PRKG1: variants seen among roughly 807,000 people sequenced by gnomAD.
The protein encoded by PRKG1 is cGMP-dependent protein kinase 1.
Under a neutral mutation model 88.1 loss-of-function variants are expected in PRKG1, and 35 were observed. The observed-to-expected ratio is 0.40, with a 90% CI of 0.30 to 0.53. The LOEUF (loss-of-function observed/expected upper bound fraction) is 0.53, where lower values mean the gene tolerates loss of function less well. Among genes scored for constraint, PRKG1 ranks in the 20% least tolerant of loss-of-function variants. The pLI is 0.59. For missense variants in PRKG1, 540 were observed against 839.8 expected, an observed-to-expected ratio of 0.64 and a Z score of 4.41; for synonymous variants, 303 against 292.5, an observed-to-expected ratio of 1.04 and a Z score of -0.37.
At chr10:51,268,717 G>T (rs1383115835) in intron 2 of PRKG1, among the ~76,000 whole-genome samples, 1 of 152,048 alleles carries the variant, frequency 6.6e-6, no homozygotes, top group Non-Finnish European at 1.5e-5. Flanking sequence ...AGGGTCCTGA[G>T]GCGACATACA....
chr10:52,242,141 G>A (rs1004859867), intron 9 of PRKG1: 7 of 152,196 alleles, frequency 4.6e-5, no homozygotes, highest in Admixed American at 2.0e-4. Flanking sequence ...GTGAAAGCAG[G>A]AGGAGGAGTC....
At chr10:51,691,856 C>T (rs1841152823) in intron 3 of PRKG1, among the ~76,000 whole-genome samples, 1 of 152,042 alleles carries the variant, frequency 6.6e-6, no homozygotes, top group African/African-American at 2.4e-5. Context: ...CCACAGATCA[C>T]CAATTTGAGG....
In PRKG1 at chr10:51,046,559, C is replaced by T. The variant is rs1357645667; in HGVS notation, c.266+54915C>T. 7.2e-5 allele frequency among the ~76,000 whole-genome samples: 11 copies of T among 152,190 alleles called. No individual in the cohort carries two copies. In the East Asian group the frequency reaches 1.3e-3, roughly 19 times the overall value. On this transcript the variant is annotated intron_variant, in intron 1 of 17. Coordinates refer to the PRKG1 transcript ENST00000401604. ...AACAACGATTTTTCCTTTGGCATTA[C>T]GTCTCCGGTTTGCACAGGCTTGAGC... is the stretch of plus-strand genomic sequence containing the variant.
intron 2 of PRKG1, among the ~76,000 whole-genome samples, chr10:51,255,890 G>A (rs1589284378): frequency 6.6e-6 from 1 of 152,216 alleles, no homozygotes; most frequent in East Asian, 1.9e-4. Flanking sequence ...AGACATACAT[G>A]TTCTGTAGAT....
intron 4 of PRKG1, among the ~76,000 whole-genome samples, chr10:51,834,156 C>T (rs900245552): frequency 5.3e-5 from 8 of 152,100 alleles, no homozygotes; most frequent in South Asian, 2.1e-4. Context: ...TTTAGTCAGA[C>T]GCTTCCCCAA....
At chr10:51,747,644 AT>A (rs980681194) in intron 3 of PRKG1, among the ~76,000 whole-genome samples, 1 of 151,760 alleles carries the variant, frequency 6.6e-6, no homozygotes, top group Admixed American at 6.6e-5. Flanking sequence ...GAATTCTTTG[AT>A]TTTTTTTCTT....
intron 9 of PRKG1, among the ~76,000 whole-genome samples, chr10:52,203,437 T>C (rs894166644): frequency 6.6e-6 from 1 of 152,248 alleles, no homozygotes; most frequent in African/African-American, 2.4e-5. Context: ...TGGTCAACTA[T>C]GTAGTCAATT....
At chr10:51,591,228 T>G (rs1692443828) in intron 3 of PRKG1, among the ~76,000 whole-genome samples, 1 of 152,290 alleles carries the variant, frequency 6.6e-6, no homozygotes, top group East Asian at 1.9e-4. Flanking sequence ...TTTTTGCATA[T>G]TAAAGTTCTA....
intron 10 of PRKG1, among the ~76,000 whole-genome samples, chr10:52,258,471 C>G (rs1190498490): frequency 1.3e-5 from 2 of 150,940 alleles, no homozygotes; most frequent in African/African-American, 4.8e-5. Context: ...TATAGCTACT[C>G]TGTGAGGAGA....
chr10:51,692,832 A>G (rs1841179328), intron 3 of PRKG1, among the ~76,000 whole-genome samples: 2 of 152,302 alleles, frequency 1.3e-5, no homozygotes, highest in South Asian at 2.1e-4. Context: ...AAATGTCTGC[A>G]GATATTATAC....
chr10:52,277,448 C>A (rs1440829857), intron 12 of PRKG1, among the ~76,000 whole-genome samples: 1 of 152,142 alleles, frequency 6.6e-6, no homozygotes, highest in African/African-American at 2.4e-5. Flanking sequence ...GGTGCTCAAT[C>A]ATAGTGGCTA....
chr10:51,547,658 T>TA (rs34303573), intron 3 of PRKG1, among the ~76,000 whole-genome samples: 1 of 152,062 alleles, frequency 6.6e-6, no homozygotes, highest in Non-Finnish European at 1.5e-5. Flanking sequence ...AATGGTCTTT[T>TA]AAAAAAATCA....
At chr10:51,078,531 C>A (rs1844022640) in intron 1 of PRKG1, among the ~76,000 whole-genome samples, 1 of 150,972 alleles carries the variant, frequency 6.6e-6, no homozygotes, top group African/African-American at 2.4e-5. Flanking sequence ...CACCTGGCCC[C>A]TGTTTCACTT....
rs184714652 is a variant in PRKG1 at position 52,039,452 on chromosome 10, C to T, written c.763-15032C>T. ...TGGAATGTCATCAGTTAAGGTGGGG[C>T]AGGGCATATTCACTTCTTTTGTGAT... On this transcript the variant is annotated intron_variant, in intron 5 of 17. Transcript: ENST00000373980. Among the ~76,000 whole-genome samples the T allele has an allele frequency of 2.0e-5, 3 of 152,176 alleles. No homozygotes were observed. The East Asian group carries it at 5.8e-4, about 29-fold the overall frequency.
chr10:51,221,883 T>C (rs1443396160), intron 2 of PRKG1, among the ~76,000 whole-genome samples: 1 of 148,548 alleles, frequency 6.7e-6, no homozygotes, highest in Non-Finnish European at 1.5e-5. Flanking sequence ...TTTCTTTTTT[T>C]TTTTTTTTTT....
chr10:51,066,638 TAAAC>T (rs1012927416), intron 1 of PRKG1, among the ~76,000 whole-genome samples: 18 of 152,272 alleles, frequency 1.2e-4, no homozygotes, highest in African/African-American at 3.6e-4. Context: ...GTTTAGTTGT[TAAAC>T]AATGTATATA....
At chr10:51,630,628 T>C (rs1839500088) in intron 3 of PRKG1, among the ~76,000 whole-genome samples, 1 of 152,226 alleles carries the variant, frequency 6.6e-6, no homozygotes, top group South Asian at 2.1e-4. Context: ...TTGTCAATAT[T>C]GGTAGGCTCA....
At chr10:51,295,640 T>TCAC (rs1840700375) in intron 2 of PRKG1, among the ~76,000 whole-genome samples, 1 of 137,068 alleles carries the variant, frequency 7.3e-6, no homozygotes, top group Admixed American at 8.1e-5. Flanking sequence ...TTCCTTTCCT[T>TCAC]TCCTCTTCTT....
chr10:51,988,638 G>T (rs747185575), intron 5 of PRKG1, among the ~76,000 whole-genome samples: 1 of 151,848 alleles, frequency 6.6e-6, no homozygotes, highest in Non-Finnish European at 1.5e-5. Flanking sequence ...TGGCTATTCA[G>T]GTTTCTTCTT....
Sources: gnomAD v4.1 joint callset for allele counts (sites outside exome capture counted in the v4.1 genomes callset) on GRCh38, gnomAD v4.1.1 for gene constraint, MANE v1.5 for transcripts, NCBI Gene and HGNC (gene_info 2026-07-23, HGNC 2026-07-21) for gene names.